Variants in PKD1L1 observed in about 807,000 individuals in gnomAD.
PKD1L1 encodes polycystin 1 like 1, transient receptor potential channel interacting.
In PKD1L1, 236 loss-of-function variants were observed where a neutral mutation model predicts 323.4. The ratio of observed to expected loss-of-function variants is 0.73; its 90% confidence interval spans 0.66 to 0.81. PKD1L1 has a LOEUF of 0.81. Ranked by LOEUF, PKD1L1 falls within the 40% of genes least tolerant of loss-of-function variation. The probability of loss-of-function intolerance (pLI) is 0.00; values close to 1 mark genes in which losing one functional copy is unlikely to be tolerated. For missense variants in PKD1L1, 3,320 were observed against 3,508.0 expected (o/e 0.95, Z 1.35); for synonymous variants, 1,344 against 1,335.0 (o/e 1.01, Z -0.15).
intron 50 of PKD1L1, among the ~76,000 whole-genome samples, chr7:47,809,938 A>G (rs908030101): frequency 6.6e-6 from 1 of 152,236 alleles, no homozygotes; most frequent in African/African-American, 2.4e-5. Context: ...GTTTCTGTGT[A>G]CATGTGAAAT....
In PKD1L1 at chr7:47,902,370, C is replaced by T. The variant is rs777636790; in HGVS notation, c.2064+9G>A. Reference sequence around the variant, plus strand: ...GGCTGGTGGAGGATTTCCCAGACTCCGAGCCTACCTGGACTTTCCCAGGCC... The same window carrying T: ...GGCTGGTGGAGGATTTCCCAGACTCTGAGCCTACCTGGACTTTCCCAGGCC... On this transcript the variant is annotated intron_variant, in intron 13 of 56. Transcript: ENST00000289672. 61 of 1,613,136 alleles carry T rather than the reference C, an allele frequency of 3.8e-5. No individual in the cohort carries two copies. The highest frequency in any genetic ancestry group is 2.2e-4 in the Admixed American group (13 of 59,860).
In PKD1L1 at chr7:47,940,238, T is replaced by A. The variant is rs776106614; in HGVS notation, c.240A>T (p.Glu80Asp). ...CPWCALNGKA[E>D]DRESQSPSSS... Reference sequence around the variant, plus strand: ...AGGATGGGCTCTGTGATTCCCGGTCTTCTGCCTTTCCATTCAGAGCACACC... The same window carrying A: ...AGGATGGGCTCTGTGATTCCCGGTCATCTGCCTTTCCATTCAGAGCACACC... Residue 80 changes from glutamate (E) to aspartate (D), a missense_variant, in exon 3 of 57, where the codon GAA (glutamate) becomes GAT (aspartate). Coordinates refer to ENST00000289672, the MANE Select transcript of PKD1L1 (RefSeq NM_138295.5). 3 of 1,614,060 alleles carry A rather than the reference T, an allele frequency of 1.9e-6. No individual in the cohort carries two copies. The East Asian group carries it at 6.7e-5, about 36-fold the overall frequency.
At chr7:47,782,109 C>G (rs932202113) in intron 56 of PKD1L1, among the ~76,000 whole-genome samples, 6 of 152,146 alleles carry the variant, frequency 3.9e-5, no homozygotes, top group Non-Finnish European at 7.4e-5. Context: ...ACCTTCTGTG[C>G]AAGGCATCCA....
intron 33 of PKD1L1, 38 bp from the exon 34 acceptor site, chr7:47,843,207 T>C: frequency 2.0e-6 from 3 of 1,512,478 alleles, no homozygotes; most frequent in Non-Finnish European, 1.8e-6. Context: ...AAATTGCTCA[T>C]GAAAATAGAC....
At chr7:47,876,009 GAC>G (rs1786395605) in intron 23 of PKD1L1, 86 bp downstream of exon 23, 9 of 1,424,790 alleles carry the variant, frequency 6.3e-6, no homozygotes, top group African/African-American at 1.4e-5. Flanking sequence ...TTATTTTCTA[GAC>G]ACAGTTTAGT....
In PKD1L1 at chr7:47,864,447, C is replaced by T. The variant is rs533719425; in HGVS notation, c.4149+769G>A. On this transcript the variant is annotated intron_variant, in intron 26 of 56. Transcript: ENST00000289672. ...GGTGTGACGAAGGAAAAACCCAATGCCATGTGTTACCAATAAAGAACAAGC... is the reference window on the plus strand; with the variant it reads ...GGTGTGACGAAGGAAAAACCCAATGTCATGTGTTACCAATAAAGAACAAGC... Among the ~76,000 whole-genome samples the T allele has an allele frequency of 1.1e-3, 166 of 152,170 alleles. 1 individual carries two copies. Among genetic ancestry groups the T allele is most frequent in the South Asian group, 5.4e-3 (26 of 4,818 alleles).
In PKD1L1 at chr7:47,786,348, G is replaced by C. The variant is rs1786807131; in HGVS notation, c.8526+6279C>G. Among the ~76,000 whole-genome samples the C allele has an allele frequency of 4.7e-5, 6 of 127,946 alleles. No individual in the cohort carries two copies. The South Asian group carries it at 1.5e-3, about 32-fold the overall frequency. The allele number at this position is 127,946 out of a possible 152,430, so 83.9% of individuals were successfully genotyped here. A position where few individuals can be genotyped will look rare whatever the true frequency, so the allele number is the denominator to read the frequency against. On this transcript the variant is annotated intron_variant, in intron 56 of 56. Coordinates refer to ENST00000289672, the MANE Select transcript of PKD1L1 (RefSeq NM_138295.5). Reference sequence around the variant, plus strand: ...TGAGAGAAAATTCACCCTCTTGATGGCTTCCTGCTCCTAAGTAACACTGAC... The same window carrying C: ...TGAGAGAAAATTCACCCTCTTGATGCCTTCCTGCTCCTAAGTAACACTGAC...
In PKD1L1 at chr7:47,862,889, T is replaced by C. The variant is rs143784424; in HGVS notation, c.4149+2327A>G. Among the ~76,000 whole-genome samples the C allele has an allele frequency of 4.0e-4, 61 of 151,968 alleles. No individual in the cohort carries two copies. The East Asian group carries it at 0.011, about 27-fold the overall frequency. On this transcript the variant is annotated intron_variant, in intron 26 of 56. Coordinates refer to ENST00000289672, the MANE Select transcript of PKD1L1 (RefSeq NM_138295.5). Reference sequence around the variant, plus strand: ...ACACGCAAGGAGAAGCCACGGGGAGTGCTGAGCAGGAGAGTGGCACTCACT... The same window carrying C: ...ACACGCAAGGAGAAGCCACGGGGAGCGCTGAGCAGGAGAGTGGCACTCACT...
intron 21 of PKD1L1, among the ~76,000 whole-genome samples, chr7:47,878,324 G>A (rs1168409785): frequency 6.6e-6 from 1 of 151,992 alleles, no homozygotes; most frequent in East Asian, 1.9e-4. Flanking sequence ...TCCATTTTCT[G>A]TTATTATTGA....
At position 47,888,136 on chromosome 7, in the gene PKD1L1, G is replaced by C; in HGVS notation, c.2690C>G (p.Ser897Cys). ...PDSAFRFVHI[S>C]WVSFKDTFVN... The stretch of plus-strand genomic sequence containing the variant: ...GAAGGTGTCTTTAAAGCTGACCCAG[G>C]AGATGTGGACGAATCTGAAATATAT... Residue 897 changes from serine (S) to cysteine (C), a missense_variant, in exon 17 of 57, where the codon TCC becomes TGC. Ser to Cys is a moderately radical substitution (Grantham distance 112). Transcript: ENST00000289672. The C allele has an allele frequency of 6.2e-7, 1 of 1,613,216 alleles. No individual in the cohort carries two copies. Among genetic ancestry groups the C allele is most frequent in the Non-Finnish European group, 8.5e-7 (1 of 1,179,586 alleles).
intron 44 of PKD1L1, among the ~76,000 whole-genome samples, chr7:47,829,031 A>G (rs978678766): frequency 3.3e-5 from 5 of 152,214 alleles, no homozygotes; most frequent in Non-Finnish European, 5.9e-5. Flanking sequence ...AAAAGAAGGA[A>G]GAAAGGGAGG....
intron 56 of PKD1L1, among the ~76,000 whole-genome samples, chr7:47,776,467 A>G (rs1786571358): frequency 6.6e-6 from 1 of 152,146 alleles, no homozygotes; most frequent in Non-Finnish European, 1.5e-5. Flanking sequence ...GCTCTGATGC[A>G]CCCTGATTTG....
intron 24 of PKD1L1, among the ~76,000 whole-genome samples, chr7:47,870,989 A>G (rs1786271255): frequency 6.6e-6 from 1 of 151,746 alleles, no homozygotes; most frequent in African/African-American, 2.4e-5. Context: ...AAAAAGAAAA[A>G]AAAAAAAAAA....
intron 56 of PKD1L1, among the ~76,000 whole-genome samples, chr7:47,791,730 G>A (rs1196914891): frequency 6.6e-6 from 1 of 152,156 alleles, no homozygotes; most frequent in African/African-American, 2.4e-5. Flanking sequence ...GGGAAGGGCT[G>A]GGGCAGAGAG....
At chr7:47,809,795 C>T in intron 50 of PKD1L1, 2 of 405,492 alleles carry the variant, frequency 4.9e-6, no homozygotes, top group Admixed American at 4.2e-5. Context: ...ACAGAAACTC[C>T]ATGCCAGGGG....
rs1469939903 is a variant in PKD1L1 at position 47,946,724 on chromosome 7, G to A, written c.44+1673C>T. Among the ~76,000 whole-genome samples the A allele has an allele frequency of 1.3e-5, 2 of 152,046 alleles. No homozygotes were observed. The highest frequency in any genetic ancestry group is 1.3e-4 in the Admixed American group (2 of 15,254). On this transcript the variant is annotated intron_variant, in intron 1 of 56. Transcript: ENST00000289672. This position sits in a 1 kb window ranked among gnomAD's most constrained non-coding sequence, Gnocchi z 4.1. ...ACTCCATGAAATGAGGGCTACAGGA[G>A]AGTCAAGAAACCTCTTCTGTTTCTA...
intron 52 of PKD1L1, among the ~76,000 whole-genome samples, chr7:47,805,193 A>T (rs778247928): frequency 2.0e-5 from 3 of 152,196 alleles, no homozygotes; most frequent in Admixed American, 1.3e-4. Context: ...AAAGTTAAGA[A>T]ACTTGCCCAA....
intron 55 of PKD1L1, among the ~76,000 whole-genome samples, chr7:47,793,874 G>C (rs1341995626): frequency 1.3e-5 from 2 of 152,186 alleles, no homozygotes; most frequent in Non-Finnish European, 2.9e-5. Flanking sequence ...TAAGGAACTT[G>C]TTGGGAACTG....
At chr7:47,822,083 C>A (rs898542945) in intron 45 of PKD1L1, among the ~76,000 whole-genome samples, 1 of 152,144 alleles carries the variant, frequency 6.6e-6, no homozygotes, top group African/African-American at 2.4e-5. Context: ...TAAGTCTATT[C>A]CTGTGTTCTC....
Sources: allele counts gnomAD v4.1 joint callset (sites outside exome capture counted in the v4.1 genomes callset), GRCh38; gene constraint gnomAD v4.1.1; non-coding constraint Gnocchi (gnomAD v3.1); transcripts MANE v1.5; gene names NCBI Gene and HGNC (gene_info 2026-07-23, HGNC 2026-07-21).